Variants in PPFIA1 observed in about 807,000 individuals in gnomAD.
PPFIA1 encodes PPFI scaffold protein A1, also known as liprin-alpha-1.
PPFIA1 carries 25 observed loss-of-function variants against 149.9 expected under a neutral mutation model. The observed-to-expected ratio is 0.17, with a 90% confidence interval of 0.12 to 0.23. PPFIA1 has a LOEUF of 0.23. PPFIA1 is among the 10% of genes least tolerant of loss of function. PPFIA1 has a pLI of 1.00. For missense variants in PPFIA1, 1,362 were observed against 1,506.5 expected, an observed-to-expected ratio of 0.90 and a Z score of 1.59; for synonymous variants, 549 against 552.8, an observed-to-expected ratio of 0.99 and a Z score of 0.10.
intron 2 of PPFIA1, among the ~76,000 whole-genome samples, chr11:70,318,360 G>A (rs1406522628): frequency 1.3e-5 from 2 of 152,034 alleles, no homozygotes; most frequent in Non-Finnish European, 2.9e-5. Context: ...TCTGCACCCC[G>A]CACCCCATGT....
intron 2 of PPFIA1, among the ~76,000 whole-genome samples, chr11:70,287,335 G>A (rs557372520): frequency 6.6e-6 from 1 of 152,142 alleles, no homozygotes; most frequent in East Asian, 1.9e-4. Flanking sequence ...TTGTAAATAA[G>A]CCGTTGTCTG....
At chr11:70,309,741 C>G (rs2053133332) in intron 2 of PPFIA1, among the ~76,000 whole-genome samples, 1 of 151,986 alleles carries the variant, frequency 6.6e-6, no homozygotes, top group Non-Finnish European at 1.5e-5. Context: ...TGAAAGAAGC[C>G]AGGCACAAAA....
intron 2 of PPFIA1, chr11:70,321,517 A>G (rs1314092804): frequency 6.6e-6 from 1 of 152,282 alleles, no homozygotes; most frequent in Non-Finnish European, 1.5e-5. Context: ...AAAAACTGTC[A>G]AAATAAGTAT....
At chr11:70,377,993 T>G in intron 25 of PPFIA1, 37 bp from the exon 26 acceptor site, 2 of 1,520,914 alleles carry the variant, frequency 1.3e-6, no homozygotes, top group South Asian at 1.2e-5. Flanking sequence ...CCTTTATTTT[T>G]TAAATGAATC....
chr11:70,358,044 A>G (rs2056440734), intron 19 of PPFIA1, among the ~76,000 whole-genome samples: 1 of 152,204 alleles, frequency 6.6e-6, no homozygotes, highest in Admixed American at 6.5e-5. Flanking sequence ...GAGGAAGTGA[A>G]ATAAAACTTC....
intron 7 of PPFIA1, among the ~76,000 whole-genome samples, chr11:70,327,878 G>A (rs771703356): frequency 6.6e-6 from 1 of 152,194 alleles, no homozygotes; most frequent in African/African-American, 2.4e-5. Flanking sequence ...CCCTTGTCAG[G>A]CGCCTCAACC....
intron 2 of PPFIA1, among the ~76,000 whole-genome samples, chr11:70,298,407 A>C (rs1307630690): frequency 3.9e-5 from 6 of 152,242 alleles, no homozygotes; most frequent in Non-Finnish European, 8.8e-5. Context: ...AAACAGTTTG[A>C]TGATGAATTA....
intron 21 of PPFIA1, chr11:70,371,914 TA>T (rs762853393): frequency 1.6e-4 from 34 of 209,776 alleles, no homozygotes; most frequent in Non-Finnish European, 3.1e-4. Flanking sequence ...GTCACATTAT[TA>T]TACTAAAAAC....
chr11:70,352,728 C>T (rs577513272), intron 16 of PPFIA1, among the ~76,000 whole-genome samples: 2 of 91,856 alleles, frequency 2.2e-5, no homozygotes, highest in South Asian at 4.1e-4. Flanking sequence ...TGGAGGGGTG[C>T]GGAGGGCGGC....
chr11:70,353,886 C>T lies in PPFIA1; in HGVS notation c.2164-415C>T, dbSNP rs184572304. 5.3e-4 allele frequency among the ~76,000 whole-genome samples: 81 copies of T among 152,278 alleles called. 1 individual carries two copies. The highest frequency in any genetic ancestry group is 3.7e-3 in the Admixed American group (56 of 15,294). Reference sequence around the variant, plus strand: ...CTTTTGAAGGACATCAGGAGATAAACGTATTTGTTACTGGCTCTTCATTAG... The same window carrying T: ...CTTTTGAAGGACATCAGGAGATAAATGTATTTGTTACTGGCTCTTCATTAG... On this transcript the variant is annotated intron_variant, in intron 16 of 27. Coordinates refer to ENST00000253925, the MANE Select transcript of PPFIA1 (RefSeq NM_003626.5).
Position 70,354,410 on chromosome 11 carries a change from C to T in PPFIA1, c.2273C>T (p.Ala758Val), listed in dbSNP as rs139448605. 2,464 of 1,613,920 alleles carry T rather than the reference C, an allele frequency of 1.5e-3. 28 individuals are homozygous for T. The African/African-American group carries it at 0.027, about 18-fold the overall frequency. ...CGGTTAGACCGGCTGCACAAAGGGG[C>T]GCTGCACACCGTCAGCCACGAGGAC... ...ALRLDRLHKG[A>V]LHTVSHEDIR... The change falls in exon 17 of 28, where the codon GCG becomes GTG. Residue 758 changes from alanine (A) to valine (V), a missense_variant. By Grantham distance (64) the Ala-to-Val change is moderately conservative. Around this residue, in one of 7 missense-constraint regions of PPFIA1, gnomAD observed 733 missense variants for 744.1 expected, o/e 0.99. Transcript: ENST00000253925.
chr11:70,374,206 A>C (rs1349200647), intron 23 of PPFIA1: 1 of 152,220 alleles, frequency 6.6e-6, no homozygotes, highest in Non-Finnish European at 1.5e-5. Context: ...AGACCCTGTC[A>C]GTACAAAAAA....
chr11:70,310,585 C>A (rs1591159603), intron 2 of PPFIA1, among the ~76,000 whole-genome samples: 1 of 152,132 alleles, frequency 6.6e-6, no homozygotes, highest in African/African-American at 2.4e-5. Context: ...GGGGTTTCAC[C>A]ATGTTGGCCA....
chr11:70,347,016 A>G (rs2055743064), intron 15 of PPFIA1, among the ~76,000 whole-genome samples: 1 of 152,198 alleles, frequency 6.6e-6, no homozygotes, highest in African/African-American at 2.4e-5. Context: ...TTACATGAGG[A>G]TGGTAGAGAA....
intron 2 of PPFIA1, among the ~76,000 whole-genome samples, chr11:70,303,620 G>A (rs621749): frequency 0.46 from 69,358 of 151,930 alleles, 18,262 homozygotes; most frequent in African/African-American, 0.72. Flanking sequence ...AGCTTCTCAA[G>A]CTCCTGGACT....
chr11:70,303,149 G>A (rs964248655), intron 2 of PPFIA1, among the ~76,000 whole-genome samples: 25 of 152,068 alleles, frequency 1.6e-4, no homozygotes, highest in African/African-American at 5.3e-4. Flanking sequence ...CTCAGTTGGC[G>A]TACCTTGCAT....
chr11:70,287,148 G>A (rs563653651), intron 2 of PPFIA1, among the ~76,000 whole-genome samples: 4 of 151,494 alleles, frequency 2.6e-5, no homozygotes, highest in African/African-American at 9.7e-5. Flanking sequence ...CCACCACGCC[G>A]GGCCAAGATC....
At chr11:70,271,250 C>A (rs1186023597) in intron 1 of PPFIA1, 1 of 152,312 alleles carries the variant, frequency 6.6e-6, no homozygotes, top group Non-Finnish European at 1.5e-5. Context: ...GGGTTCGGGG[C>A]TTCCGCCGCA....
At chr11:70,293,942 CTTTT>C (rs35307008) in intron 2 of PPFIA1, among the ~76,000 whole-genome samples, 1 of 128,132 alleles carries the variant, frequency 7.8e-6, no homozygotes, top group Non-Finnish European at 1.6e-5. Context: ...CTCTCTCTCT[CTTTT>C]TTTTTTTTTT....
Sources: gnomAD v4.1 joint callset for allele counts (sites outside exome capture counted in the v4.1 genomes callset) on GRCh38, gnomAD v4.1.1 for gene constraint, gnomAD v4.1.1 regional missense constraint, MANE v1.5 for transcripts, NCBI Gene and HGNC (gene_info 2026-07-23, HGNC 2026-07-21) for gene names.